The following RMST variants were observed in gnomAD, a reference collection of about 807,000 sequenced individuals.
RMST encodes the protein long intergenic non-protein coding RNA 54.
chr12:97,531,725 C>T (rs951988127), intron 11 of RMST, among the ~76,000 whole-genome samples: 8 of 151,872 alleles, frequency 5.3e-5, no homozygotes, highest in African/African-American at 9.7e-5. Context: ...TAATCGGGGA[C>T]GTATATTAAG....
At chr12:97,540,564 G>T (rs563724845) in intron 11 of RMST, among the ~76,000 whole-genome samples, 1 of 151,508 alleles carries the variant, frequency 6.6e-6, no homozygotes, top group African/African-American at 2.4e-5. Flanking sequence ...GCTTGTAGAC[G>T]GGCAGACCTA....
At chr12:97,529,306 C>T (rs991596445) in intron 10 of RMST, among the ~76,000 whole-genome samples, 5 of 151,814 alleles carry the variant, frequency 3.3e-5, no homozygotes, top group African/African-American at 1.2e-4. Flanking sequence ...GATTTTGGGC[C>T]CTCCATGGCA....
intron 5 of RMST, among the ~76,000 whole-genome samples, chr12:97,476,478 A>G (rs1304809347): frequency 6.6e-6 from 1 of 152,110 alleles, no homozygotes; most frequent in Non-Finnish European, 1.5e-5. Context: ...TGCTCTCTGG[A>G]GCTCACCCAT....
intron 11 of RMST, among the ~76,000 whole-genome samples, chr12:97,538,130 ATG>A (rs1882212150): frequency 6.6e-6 from 1 of 151,364 alleles, no homozygotes; most frequent in African/African-American, 2.4e-5. Flanking sequence ...TATTTTATGG[ATG>A]TTTTCCTTTT....
Position 97,531,227 on chromosome 12 carries a change from CT to C in RMST, n.1545+369del, listed in dbSNP as rs1881593703. Among the ~76,000 whole-genome samples, 3 of 151,694 alleles carry C rather than the reference CT, an allele frequency of 2.0e-5. No individual in the cohort carries two copies. In the South Asian group the frequency reaches 6.2e-4, roughly 31 times the overall value. On this transcript the variant is annotated intron_variant and non_coding_transcript_variant, in intron 11 of 13. Transcript: ENST00000640149. Reference sequence around the variant, plus strand: ...GTAAAAGCCGTTGCTCTGCTATTTTCTATTGTGTCAACTAGTTCTAGGAAAG... The same window carrying C: ...GTAAAAGCCGTTGCTCTGCTATTTTCATTGTGTCAACTAGTTCTAGGAAAG...
At chr12:97,514,360 CT>C (rs2136528655) in intron 10 of RMST, among the ~76,000 whole-genome samples, 1 of 152,242 alleles carries the variant, frequency 6.6e-6, no homozygotes, top group African/African-American at 2.4e-5. Context: ...GACAATGAAG[CT>C]TTTCTTACTT....
intron 5 of RMST, among the ~76,000 whole-genome samples, chr12:97,489,476 T>C (rs1699354421): frequency 6.6e-6 from 1 of 152,144 alleles, no homozygotes; most frequent in Admixed American, 6.6e-5. Context: ...AAAAGGCTAC[T>C]TTTAGCTTGT....
Position 97,528,988 on chromosome 12 carries a change from T to A in RMST, n.1341-1667T>A, listed in dbSNP as rs539664170. Among the ~76,000 whole-genome samples the A allele has an allele frequency of 2.6e-5, 4 of 152,192 alleles. 1 individual carries two copies. The highest frequency in any genetic ancestry group is 9.6e-5 in the African/African-American group (4 of 41,552). On this transcript the variant is annotated intron_variant and non_coding_transcript_variant, in intron 10 of 13. Coordinates refer to ENST00000640149, the Ensembl canonical transcript of RMST. The stretch of plus-strand genomic sequence containing the variant: ...TTCTGATTTTTTTGTTCTTTTGCTT[T>A]TATGGAATCTGACTCATTTCTTACT...
intron 10 of RMST, among the ~76,000 whole-genome samples, chr12:97,512,339 GAA>G (rs887088431): frequency 1.3e-5 from 2 of 152,188 alleles, no homozygotes; most frequent in Admixed American, 1.3e-4. Context: ...TGCAAAGAGA[GAA>G]AGAACAAAGC....
chr12:97,480,095 T>TCC (rs1555229692), intron 5 of RMST, among the ~76,000 whole-genome samples: 3 of 134,942 alleles, frequency 2.2e-5, no homozygotes, highest in Non-Finnish European at 3.2e-5. Flanking sequence ...TTTTCTTTTT[T>TCC]TTTCTTTTTT....
In RMST at chr12:97,496,451, T is replaced by A. The variant is rs570571124; in HGVS notation, n.1340+395T>A. Among the ~76,000 whole-genome samples the A allele has an allele frequency of 2.0e-5, 3 of 152,304 alleles. No individual in the cohort carries two copies. The East Asian group carries it at 5.8e-4, about 29-fold the overall frequency. Reference sequence around the variant, plus strand: ...GTTTGTGAAGTACCTCAAACATATATGTGTTTTACAAAATTTTACGTGTCA... The same window carrying A: ...GTTTGTGAAGTACCTCAAACATATAAGTGTTTTACAAAATTTTACGTGTCA... On this transcript the variant is annotated intron_variant and non_coding_transcript_variant, in intron 10 of 13. Coordinates refer to ENST00000640149, the Ensembl canonical transcript of RMST.
intron 10 of RMST, among the ~76,000 whole-genome samples, chr12:97,503,599 C>T (rs1878332754): frequency 6.6e-6 from 1 of 152,126 alleles, no homozygotes; most frequent in African/African-American, 2.4e-5. Context: ...GAAAAATTCC[C>T]CAAGTGAGCC....
intron 4 of RMST, among the ~76,000 whole-genome samples, chr12:97,464,118 A>G (rs775414405): frequency 6.6e-6 from 1 of 152,250 alleles, no homozygotes; most frequent in Admixed American, 6.5e-5. Flanking sequence ...GCTGGCATGA[A>G]CAAAGAAGCA....
chr12:97,463,143 C>G (rs1872781837), intron 3 of RMST: 1 of 152,328 alleles, frequency 6.6e-6, no homozygotes, highest in African/African-American at 2.4e-5. Context: ...CTCTCATTTC[C>G]CGTCATAGGT....
At chr12:97,552,799 G>T (rs1197343108) in intron 11 of RMST, among the ~76,000 whole-genome samples, 2 of 152,096 alleles carry the variant, frequency 1.3e-5, no homozygotes, top group Non-Finnish European at 2.9e-5. Flanking sequence ...TCTCCTCTTG[G>T]TTCATTTTAG....
intron 10 of RMST, among the ~76,000 whole-genome samples, chr12:97,518,782 T>C (rs953066524): frequency 6.6e-6 from 1 of 152,112 alleles, no homozygotes; most frequent in Non-Finnish European, 1.5e-5. Flanking sequence ...TTTTGCATTT[T>C]TTAGAAAAAA....
intron 10 of RMST, among the ~76,000 whole-genome samples, chr12:97,520,848 C>T (rs946059413): frequency 1.1e-4 from 16 of 152,148 alleles, no homozygotes; most frequent in African/African-American, 3.9e-4. Flanking sequence ...ACAACCTACA[C>T]AGAAAAATCT....
At chr12:97,543,207 T>C (rs1231688870) in intron 11 of RMST, among the ~76,000 whole-genome samples, 4 of 152,036 alleles carry the variant, frequency 2.6e-5, no homozygotes, top group Non-Finnish European at 5.9e-5. Context: ...GTGAAGCAGT[T>C]ACTTAGAATG....
At chr12:97,474,601 C>A (rs1874310634) in intron 5 of RMST, among the ~76,000 whole-genome samples, 1 of 78,422 alleles carries the variant, frequency 1.3e-5, no homozygotes, top group African/African-American at 4.8e-5. Context: ...TTAAGACACA[C>A]ACAATTTGAA....
Sources: gnomAD v4.1 joint callset for allele counts (sites outside exome capture counted in the v4.1 genomes callset) on GRCh38, gnomAD v4.1.1 for gene constraint, MANE v1.5 for transcripts, NCBI Gene and HGNC (gene_info 2026-07-23, HGNC 2026-07-21) for gene names.